CNTN3: variants seen among roughly 807,000 people sequenced by gnomAD.
CNTN3 encodes contactin 3.
A neutral mutation model predicts 119.1 loss-of-function variants in CNTN3; 60 were observed. The observed-to-expected ratio is 0.50, with a 90% confidence interval of 0.41 to 0.62. CNTN3 has a LOEUF of 0.62. Ranked by LOEUF, CNTN3 falls within the 20% of genes least tolerant of loss-of-function variation. The pLI is 0.00. For synonymous variants in CNTN3, 450 were observed against 438.7 expected (o/e 1.03, Z -0.32); for missense variants, 1,101 against 1,242.4 (o/e 0.89, Z 1.71).
At chr3:74,534,569 C>T (rs9882530) in intron 1 of CNTN3, among the ~76,000 whole-genome samples, 150,669 of 152,166 alleles carry the variant, frequency 0.99, 74,601 homozygotes, top group Middle Eastern at 1. Context: ...TTTTGTTTGT[C>T]TTAAACAAAT....
intron 1 of CNTN3, among the ~76,000 whole-genome samples, chr3:74,608,891 G>A (rs1040263120): frequency 2.0e-5 from 3 of 152,102 alleles, no homozygotes; most frequent in Non-Finnish European, 4.4e-5. Context: ...AATTTAAATG[G>A]TCGATTGTAG....
At chr3:74,548,671 T>C (rs1032900833) in intron 1 of CNTN3, among the ~76,000 whole-genome samples, 1 of 150,790 alleles carries the variant, frequency 6.6e-6, no homozygotes, top group Non-Finnish European at 1.5e-5. Context: ...ATGAAACCAT[T>C]ATTTTTTTCA....
chr3:74,487,967 C>A (rs1399699180), intron 3 of CNTN3, among the ~76,000 whole-genome samples: 2 of 147,696 alleles, frequency 1.4e-5, no homozygotes, highest in African/African-American at 5.0e-5. Context: ...ATGTATAATA[C>A]ATTAAAATAT....
intron 1 of CNTN3, among the ~76,000 whole-genome samples, chr3:74,553,030 G>A (rs1704015040): frequency 6.6e-6 from 1 of 152,064 alleles, no homozygotes; most frequent in Non-Finnish European, 1.5e-5. Flanking sequence ...GTGGTTTGCT[G>A]CACTCATCAA....
At chr3:74,298,559 A>C (rs2106810708) in intron 17 of CNTN3, among the ~76,000 whole-genome samples, 1 of 152,188 alleles carries the variant, frequency 6.6e-6, no homozygotes, top group South Asian at 2.1e-4. Flanking sequence ...CTTTATGAGA[A>C]GAAATATTAA....
At chr3:74,451,775 C>A (rs1454209703) in intron 4 of CNTN3, among the ~76,000 whole-genome samples, 6 of 150,926 alleles carry the variant, frequency 4.0e-5, no homozygotes, top group African/African-American at 1.5e-4. Flanking sequence ...ATAGGGAATC[C>A]TTTCCCCATT....
intron 4 of CNTN3, among the ~76,000 whole-genome samples, chr3:74,433,153 G>A (rs1040538382): frequency 2.0e-5 from 3 of 152,090 alleles, no homozygotes; most frequent in African/African-American, 7.2e-5. Flanking sequence ...CATACAAAAT[G>A]TCATCCAGAA....
rs193294178 is a variant in CNTN3 at position 74,353,705 on chromosome 3, G to A, written c.1364+8185C>T. 2.9e-3 allele frequency among the ~76,000 whole-genome samples: 446 copies of A among 152,136 alleles called. 3 individuals carry two copies. Among genetic ancestry groups the A allele is most frequent in the African/African-American group, 0.01 (417 of 41,446 alleles). On this transcript the variant is annotated intron_variant, in intron 11 of 22. Transcript: ENST00000263665. ...CGGGAGGCGGAGCTTGCAGTGAGCC[G>A]AGATTGCGCCACTGCACTCCAGCCT...
At chr3:74,264,832 G>A (rs598464) in intron 22 of CNTN3, among the ~76,000 whole-genome samples, 102,257 of 151,952 alleles carry the variant, frequency 0.67, 34,846 homozygotes, top group East Asian at 0.98. Context: ...AAATCACTAC[G>A]TGAACCTATC....
rs536226599 is a variant in CNTN3, at chr3:74,420,782, T to C, written c.454+4063A>G. On this transcript the variant is annotated intron_variant, in intron 5 of 22. Transcript: ENST00000263665. ...GTCATGAGTCAGAGCATCCAGGTTC[T>C]AGTTTTACTTCTTCACAGCTCTGTG... Among the ~76,000 whole-genome samples, 38 of 152,338 alleles carry C rather than the reference T, an allele frequency of 2.5e-4. 1 individual carries two copies. Among genetic ancestry groups the C allele is most frequent in the African/African-American group, 8.9e-4 (37 of 41,576 alleles).
At chr3:74,539,990 T>C (rs760967827) in intron 1 of CNTN3, among the ~76,000 whole-genome samples, 16 of 152,112 alleles carry the variant, frequency 1.1e-4, no homozygotes, top group Non-Finnish European at 2.2e-4. Context: ...ATGAAGCACA[T>C]TCTATTATGG....
At chr3:74,612,635 T>C (rs1559679254) in intron 1 of CNTN3, among the ~76,000 whole-genome samples, 1 of 152,188 alleles carries the variant, frequency 6.6e-6, no homozygotes, top group African/African-American at 2.4e-5. Flanking sequence ...GAAGGGCCAC[T>C]TGCATGCATT....
intron 4 of CNTN3, among the ~76,000 whole-genome samples, chr3:74,461,904 A>C (rs998635634): frequency 6.6e-6 from 1 of 152,114 alleles, no homozygotes; most frequent in Non-Finnish European, 1.5e-5. Flanking sequence ...TATTAAGCAA[A>C]CTATGCCTCC....
intron 1 of CNTN3, among the ~76,000 whole-genome samples, chr3:74,582,423 T>C (rs970347887): frequency 6.6e-6 from 1 of 150,524 alleles, no homozygotes; most frequent in Non-Finnish European, 1.5e-5. Context: ...AAAAATCATT[T>C]AAAAATTAAT....
At chr3:74,462,991 G>C (rs765523882) in intron 4 of CNTN3, among the ~76,000 whole-genome samples, 1 of 152,014 alleles carries the variant, frequency 6.6e-6, no homozygotes, top group East Asian at 1.9e-4. Context: ...TGTCATTCCC[G>C]ATAAACTATG....
intron 5 of CNTN3, among the ~76,000 whole-genome samples, chr3:74,409,051 G>T (rs1701394365): frequency 6.6e-6 from 1 of 152,032 alleles, no homozygotes; most frequent in African/African-American, 2.4e-5. Context: ...TATATATAAG[G>T]GCTATATGTT....
chr3:74,583,339 C>T (rs979721214), intron 1 of CNTN3, among the ~76,000 whole-genome samples: 22 of 151,584 alleles, frequency 1.5e-4, no homozygotes, highest in Admixed American at 3.9e-4. Context: ...AAGGAATAAA[C>T]GATTTATGAT....
intron 4 of CNTN3, among the ~76,000 whole-genome samples, chr3:74,464,870 T>C (rs924474886): frequency 1.3e-5 from 2 of 152,186 alleles, no homozygotes; most frequent in African/African-American, 2.4e-5. Context: ...ACCTAGAGGT[T>C]TAATTAGAGT....
In CNTN3 at chr3:74,362,155, C is replaced by T. The variant is rs548339960; in HGVS notation, c.1214-115G>A. 4.4e-5 allele frequency: 46 copies of T among 1,050,260 alleles called. No individual in the cohort carries two copies. In the South Asian group the frequency reaches 7.0e-4, roughly 16 times the overall value. The allele number at this position is 1,050,260 out of a possible 1,614,324, so 65.1% of individuals were successfully genotyped here. ...TTTCTTTACATTCAGGGTGTCAGTG[C>T]TTGATTTACTTGGCTTATTGTGTGC... On this transcript the variant is annotated intron_variant, in intron 10 of 22. Transcript: ENST00000263665.
Sources: allele counts gnomAD v4.1 joint callset (sites outside exome capture counted in the v4.1 genomes callset), GRCh38; gene constraint gnomAD v4.1.1; transcripts MANE v1.5; gene names NCBI Gene and HGNC (gene_info 2026-07-23, HGNC 2026-07-21).